Variants in SYT16 observed in about 807,000 individuals in gnomAD.
SYT16 encodes the protein synaptotagmin 16, also known as synaptotagmin-16.
In SYT16, 42 loss-of-function variants were observed where a neutral mutation model predicts 61.4. The ratio of observed to expected loss-of-function variants is 0.68; its 90% CI spans 0.53 to 0.89. The LOEUF is 0.89. Ranked by LOEUF, SYT16 falls within the 40% of genes least tolerant of loss-of-function variation. The pLI is 0.00. For missense variants in SYT16, 804 were observed against 807.3 expected, an observed-to-expected ratio of 1.00 and a Z score of 0.05; for synonymous variants, 314 against 302.3, an observed-to-expected ratio of 1.04 and a Z score of -0.40.
chr14:62,058,444 G>A (rs923418556), intron 3 of SYT16, among the ~76,000 whole-genome samples: 17 of 144,448 alleles, frequency 1.2e-4, no homozygotes, highest in Admixed American at 9.7e-4. Context: ...TGCAACCTCC[G>A]CGTCCCAGGT....
chr14:62,015,751 T>C (rs1195558524), intron 3 of SYT16, among the ~76,000 whole-genome samples: 1 of 152,192 alleles, frequency 6.6e-6, no homozygotes, highest in Non-Finnish European at 1.5e-5. Context: ...TTGGCCTTCA[T>C]GGGACACTGA....
intron 3 of SYT16, among the ~76,000 whole-genome samples, chr14:62,011,874 T>TACACACACACACAC (rs576570781): frequency 1.3e-4 from 18 of 136,492 alleles, no homozygotes; most frequent in African/African-American, 4.6e-4. Context: ...ACACTATATA[T>TACACACACACACAC]ACACACACAC....
At chr14:62,023,689 GTTC>G (rs1382340345) in intron 3 of SYT16, among the ~76,000 whole-genome samples, 3 of 152,222 alleles carry the variant, frequency 2.0e-5, no homozygotes, top group Admixed American at 2.0e-4. Context: ...TGTGCCAGTT[GTTC>G]TTGAATAGCT....
At chr14:61,885,764 A>T (rs1253933907) in intron 1 of SYT16, among the ~76,000 whole-genome samples, 1 of 152,206 alleles carries the variant, frequency 6.6e-6, no homozygotes, top group Admixed American at 6.5e-5. Context: ...TTACACTATT[A>T]TGTAATCTAT....
At chr14:62,048,599 C>A (rs1207529814) in intron 3 of SYT16, among the ~76,000 whole-genome samples, 1 of 152,208 alleles carries the variant, frequency 6.6e-6, no homozygotes, top group Non-Finnish European at 1.5e-5. Flanking sequence ...TTCCTGCTTT[C>A]TCTTGTGGGC....
At chr14:61,864,407 G>T (rs1225615162) in intron 1 of SYT16, among the ~76,000 whole-genome samples, 1 of 152,260 alleles carries the variant, frequency 6.6e-6, no homozygotes, top group Non-Finnish European at 1.5e-5. Context: ...GGCAGTTAGT[G>T]CTGCCCGAGC....
chr14:61,958,058 G>A (rs1382955610), intron 1 of SYT16, among the ~76,000 whole-genome samples: 1 of 151,524 alleles, frequency 6.6e-6, no homozygotes, highest in Non-Finnish European at 1.5e-5. Context: ...TTTCTTCTAA[G>A]TTGTCTAATT....
intron 3 of SYT16, among the ~76,000 whole-genome samples, chr14:62,014,052 T>G (rs553695568): frequency 6.6e-6 from 1 of 152,258 alleles, no homozygotes; most frequent in East Asian, 1.9e-4. Flanking sequence ...GTTTTCTCCC[T>G]GCCACTCCTA....
At chr14:61,995,653 C>T (rs554926360) in intron 2 of SYT16, among the ~76,000 whole-genome samples, 3 of 152,058 alleles carry the variant, frequency 2.0e-5, no homozygotes, top group Admixed American at 2.0e-4. Context: ...GTGAACAGAA[C>T]CCATTACTGC....
chr14:61,962,873 C>T (rs1448920956), intron 1 of SYT16, among the ~76,000 whole-genome samples: 2 of 151,994 alleles, frequency 1.3e-5, no homozygotes, highest in African/African-American at 4.8e-5. Context: ...ATTAGTTGTA[C>T]TTCTCATTTT....
At chr14:61,992,035 A>G (rs2140611219) in intron 2 of SYT16, among the ~76,000 whole-genome samples, 1 of 152,200 alleles carries the variant, frequency 6.6e-6, no homozygotes, top group East Asian at 1.9e-4. Flanking sequence ...TGGAGCTACA[A>G]AGTATAAGCA....
At position 61,919,183 on chromosome 14, in the gene SYT16, A is replaced by C. The variant is rs781745169; in HGVS notation, c.-324-50949A>C. Among the ~76,000 whole-genome samples, 129 of 152,340 alleles carry C rather than the reference A, an allele frequency of 8.5e-4. 1 individual carries two copies. Among genetic ancestry groups the C allele is most frequent in the Non-Finnish European group, 7.9e-4 (54 of 68,024 alleles). On this transcript the variant is annotated intron_variant, in intron 1 of 7. Coordinates refer to ENST00000683842, the MANE Select transcript of SYT16 (RefSeq NM_001367656.1). ...TGATAGAAATACGTTGCTAGGCACA[A>C]GAGCAGGTAAACAGTAGCCACTGTT...
intron 3 of SYT16, among the ~76,000 whole-genome samples, chr14:62,046,970 G>GT (rs2055019710): frequency 6.6e-6 from 1 of 152,192 alleles, no homozygotes; most frequent in Admixed American, 6.5e-5. Context: ...CTTTCAAATA[G>GT]TTTTTTCCAA....
At chr14:62,087,742 C>T (rs1311432521) in intron 7 of SYT16, among the ~76,000 whole-genome samples, 2 of 152,170 alleles carry the variant, frequency 1.3e-5, no homozygotes, top group Admixed American at 1.3e-4. Context: ...CTAAGTAAGA[C>T]AGAGGAACTG....
chr14:62,049,075 G>C (rs1029722353), intron 3 of SYT16, among the ~76,000 whole-genome samples: 2 of 152,110 alleles, frequency 1.3e-5, no homozygotes, highest in Non-Finnish European at 2.9e-5. Flanking sequence ...TGACAGTGGG[G>C]TGTTAAAGTC....
At chr14:62,051,322 G>T (rs1231524313) in intron 3 of SYT16, among the ~76,000 whole-genome samples, 1 of 152,246 alleles carries the variant, frequency 6.6e-6, no homozygotes, top group Non-Finnish European at 1.5e-5. Flanking sequence ...CTTTGGAAAA[G>T]TGCAGTATTA....
intron 3 of SYT16, among the ~76,000 whole-genome samples, chr14:62,051,187 A>T (rs1319040203): frequency 6.6e-6 from 1 of 152,120 alleles, no homozygotes; most frequent in Non-Finnish European, 1.5e-5. Context: ...CCCCTCCCCC[A>T]GCCTCACTGC....
intron 2 of SYT16, among the ~76,000 whole-genome samples, chr14:61,989,280 A>G (rs915323232): frequency 5.9e-5 from 9 of 152,160 alleles, no homozygotes; most frequent in African/African-American, 2.2e-4. Flanking sequence ...GGGCTCTGTT[A>G]TAGCTGCTTT....
intron 3 of SYT16, among the ~76,000 whole-genome samples, chr14:62,063,612 C>T (rs181750857): frequency 2.6e-4 from 40 of 152,274 alleles, no homozygotes; most frequent in Admixed American, 2.0e-3. Flanking sequence ...GGTGATACTA[C>T]TCCCAACAGC....
Sources: gnomAD v4.1 joint callset for allele counts (sites outside exome capture counted in the v4.1 genomes callset) on GRCh38, gnomAD v4.1.1 for gene constraint, MANE v1.5 for transcripts, NCBI Gene and HGNC (gene_info 2026-07-23, HGNC 2026-07-21) for gene names.